Variants in PERM1 observed in about 807,000 individuals in gnomAD.
PERM1 encodes PPARGC1 and ESRR induced regulator, muscle 1.
Under a neutral mutation model 44.1 loss-of-function variants are expected in PERM1, and 45 were observed. The ratio of observed to expected loss-of-function variants is 1.02; its 90% confidence interval spans 0.80 to 1.31. The LOEUF (loss-of-function observed/expected upper bound fraction) is 1.31, where lower values mean the gene tolerates loss of function less well. PERM1 is among the 50% of genes most tolerant of loss of function. The probability of loss-of-function intolerance (pLI) is 0.00; values close to 1 mark genes in which losing one functional copy is unlikely to be tolerated. For synonymous variants in PERM1, 565 were observed against 477.1 expected (o/e 1.18, Z -2.40); for missense variants, 1,189 against 1,106.9 (o/e 1.07, Z -1.05).
intron 1 of PERM1, among the ~76,000 whole-genome samples, chr1:978,093 C>T (rs534523994): frequency 7.4e-4 from 59 of 79,664 alleles, no homozygotes; most frequent in African/African-American, 3.0e-3. Context: ...CCGCTTCCCC[C>T]GCAACCCCGG....
At chr1:978,395 C>T (rs961430540) in intron 1 of PERM1, among the ~76,000 whole-genome samples, 11 of 152,174 alleles carry the variant, frequency 7.2e-5, no homozygotes, top group Non-Finnish European at 5.9e-5. Flanking sequence ...CCCCGGGAAC[C>T]GCCCGCCCTG....
exon 2 of PERM1, chr1:976,616 G>T (rs779231299): frequency 3.2e-6 from 5 of 1,549,060 alleles, no homozygotes; most frequent in African/African-American, 1.4e-5. Flanking sequence ...ACAGGCCCCC[G>T]GAGCTCCCCT....
exon 1 of PERM1, chr1:978,933 G>C: frequency 6.6e-7 from 1 of 1,507,176 alleles, no homozygotes. Context: ...GCTTGAGGGG[G>C]GTCCCAGGCC....
chr1:975,524 G>C (rs182213575), exon 3 of PERM1: 4 of 152,498 alleles, frequency 2.6e-5, no homozygotes, highest in East Asian at 3.9e-4. Flanking sequence ...TGCAGGGGCT[G>C]CTGCACTGGG....
At chr1:979,699 A>G in exon 1 of PERM1, 1 of 1,550,096 alleles carries the variant, frequency 6.5e-7, no homozygotes, top group Non-Finnish European at 8.7e-7. Context: ...TGTAGACACA[A>G]GCCCGCTGGA....
chr1:978,818 C>T, intron 1 of PERM1, 63 bp downstream of exon 2: 2 of 1,392,712 alleles, frequency 1.4e-6, no homozygotes, highest in East Asian at 5.3e-5. Context: ...CCCTGCTTGG[C>T]CAAGATCCCT....
At chr1:978,366 TTGCCCCGGGAACCGCC>T (rs1336237886) in intron 1 of PERM1, among the ~76,000 whole-genome samples, 3 of 138,366 alleles carry the variant, frequency 2.2e-5, no homozygotes, top group East Asian at 2.3e-4. Context: ...TGAGAACTGG[TTGCCCCGGGAACCGCC>T]TGCCCCGGGA....
At chr1:978,835 T>G in intron 1 of PERM1, 46 bp downstream of exon 2, 3 of 1,421,566 alleles carry the variant, frequency 2.1e-6, no homozygotes, top group Non-Finnish European at 2.8e-6. Flanking sequence ...CCCTGGACAG[T>G]GTGTGCCTGG....
intron 2 of PERM1, 111 bp downstream of exon 3, chr1:976,388 G>C (rs1360956708): frequency 3.3e-6 from 5 of 1,510,582 alleles, no homozygotes; most frequent in South Asian, 2.5e-5. Context: ...AGCTCAGCCT[G>C]GGGGGAGCAG....
At chr1:979,031 C>T in exon 1 of PERM1, 2 of 1,539,264 alleles carry the variant, frequency 1.3e-6, no homozygotes, top group Non-Finnish European at 1.8e-6. Flanking sequence ...AGCCTGTCCT[C>T]CCCGAAGAAG....
At chr1:979,473 T>C (rs1398794580) in exon 1 of PERM1, 1 of 1,547,662 alleles carries the variant, frequency 6.5e-7, no homozygotes, top group Non-Finnish European at 8.7e-7. Context: ...CTGAGGCCTG[T>C]CCTGAGCCTG....
chr1:975,872 G>A (rs1255559398), exon 3 of PERM1: 1 of 396,226 alleles, frequency 2.5e-6, no homozygotes. Flanking sequence ...ACTATTGCCT[G>A]TCTGAAATTA....
exon 1 of PERM1, chr1:980,381 C>T (rs1254635349): frequency 2.7e-5 from 42 of 1,550,070 alleles, no homozygotes; most frequent in Non-Finnish European, 3.7e-5. Flanking sequence ...ATCAGCTTTG[C>T]CGTCTCAGGA....
chr1:979,231 G>A (rs770647417), exon 1 of PERM1: 53 of 1,550,102 alleles, frequency 3.4e-5, no homozygotes, highest in African/African-American at 1.2e-4. Flanking sequence ...GGCCGCTGCC[G>A]CCTCAGCCTC....
exon 3 of PERM1, chr1:976,189 G>A (rs1263311214): frequency 6.5e-7 from 1 of 1,545,408 alleles, no homozygotes; most frequent in Admixed American, 2.0e-5. Context: ...CTGGGGCTGG[G>A]GCTGTGGCTG....
At chr1:979,314 G>A (rs1056236182) in exon 1 of PERM1, 262 of 1,537,306 alleles carry the variant, frequency 1.7e-4, no homozygotes, top group Admixed American at 1.0e-3. Flanking sequence ...AGCTGCTCCC[G>A]GGCCCGACCC....
chr1:979,399 A>G (rs770194953), exon 1 of PERM1: 1 of 1,512,134 alleles, frequency 6.6e-7, no homozygotes, highest in Non-Finnish European at 8.8e-7. Flanking sequence ...CCCGACAGCC[A>G]CAGCCTCCCA....
At chr1:976,527 A>G in exon 2 of PERM1, 1 of 1,549,552 alleles carries the variant, frequency 6.5e-7, no homozygotes, top group Non-Finnish European at 8.7e-7. Flanking sequence ...GGGTATGCGG[A>G]TCTGACGTCC....
At chr1:980,809 C>A (rs1643776726) in exon 1 of PERM1, 1 of 1,399,338 alleles carries the variant, frequency 7.1e-7, no homozygotes, top group Non-Finnish European at 9.2e-7. Flanking sequence ...CTCCTCCTCG[C>A]AGCCCCGCCG....
Sources: allele counts gnomAD v4.1 joint callset (sites outside exome capture counted in the v4.1 genomes callset), GRCh38; gene constraint gnomAD v4.1.1; transcripts MANE v1.5; gene names NCBI Gene and HGNC (gene_info 2026-07-23, HGNC 2026-07-21).